Variants in MICALL1 observed in about 807,000 individuals in gnomAD.
The protein encoded by MICALL1 is MICAL-like protein 1.
A neutral mutation model predicts 83.7 loss-of-function variants in MICALL1; 61 were observed. That is an observed-to-expected ratio of 0.73 (90% CI 0.59 to 0.90). The LOEUF (loss-of-function observed/expected upper bound fraction) is 0.90, where lower values mean the gene tolerates loss of function less well. MICALL1 is among the 40% of genes least tolerant of loss of function. The pLI, the probability that MICALL1 is intolerant of heterozygous loss-of-function variation, is 0.00. For synonymous variants in MICALL1, 481 were observed against 473.6 expected (o/e 1.02, Z -0.20); for missense variants, 1,066 against 1,152.0 (o/e 0.93, Z 1.08).
Position 37,924,773 on chromosome 22 carries a change from G to T in MICALL1, c.1082+56G>T, listed in dbSNP as rs2145918753. ...TTGGAGGTCCTGGTGGTGGGAATCA[G>T]GGTACTCTGGGGCCGGGTAGGGAGA... On this transcript the variant is annotated intron_variant, in intron 7 of 15. Coordinates refer to ENST00000215957, the MANE Select transcript of MICALL1 (RefSeq NM_033386.4). This position sits in a 1 kb window ranked among gnomAD's most constrained non-coding sequence, Gnocchi z 5.2. 6.4e-7 allele frequency: 1 copy of T among 1,570,510 alleles called. No individual in the cohort carries two copies. Among genetic ancestry groups the T allele is most frequent in the Non-Finnish European group, 8.7e-7 (1 of 1,145,874 alleles).
At chr22:37,908,070 G>T (rs1928079676) in intron 1 of MICALL1, among the ~76,000 whole-genome samples, 1 of 152,118 alleles carries the variant, frequency 6.6e-6, no homozygotes, top group East Asian at 1.9e-4. Context: ...GTGGGCCTGA[G>T]CCTGGTGGCA....
chr22:37,938,228 C>T (rs1930241027), intron 15 of MICALL1, among the ~76,000 whole-genome samples: 1 of 151,816 alleles, frequency 6.6e-6, no homozygotes, highest in African/African-American at 2.4e-5. Context: ...CGGTGAAACC[C>T]CGTCTCTACT....
At chr22:37,915,259 A>G (rs1928605299) in intron 3 of MICALL1, among the ~76,000 whole-genome samples, 1 of 152,214 alleles carries the variant, frequency 6.6e-6, no homozygotes, top group Admixed American at 6.5e-5. Flanking sequence ...CCCTAAACAG[A>G]AAAAATAAAC....
Position 37,940,847 on chromosome 22 carries a change from T to C in MICALL1, c.*17T>C, listed in dbSNP as rs184159263. ...AAGAGCTAACAGCACGAGAAGCCAG[T>C]TGGGGACTGCCCCCTCCTGGAGCAG... On this transcript the variant is annotated 3_prime_UTR_variant, in exon 16 of 16. Transcript: ENST00000215957. 150 of 1,613,024 alleles carry C rather than the reference T, an allele frequency of 9.3e-5. No homozygotes were observed. The highest frequency in any genetic ancestry group is 1.2e-4 in the Non-Finnish European group (139 of 1,179,322).
At position 37,919,184 on chromosome 22, in the gene MICALL1, T is replaced by A. The variant is rs750880186; in HGVS notation, c.569+6T>A. ...TACCATCGCCACTGCTTCCGGTGAG[T>A]GGCCAGGGCCGCGTGTTACCCCCGA... On this transcript the variant is annotated splice_donor_region_variant and intron_variant, in intron 5 of 15. Coordinates refer to ENST00000215957, the MANE Select transcript of MICALL1 (RefSeq NM_033386.4). 50 of 1,522,890 alleles carry A rather than the reference T, an allele frequency of 3.3e-5. No individual in the cohort carries two copies. In the South Asian group the frequency reaches 5.2e-4, roughly 16 times the overall value. 94.3% of individuals were successfully genotyped at this position (1,522,890 alleles called of 1,614,324 possible).
chr22:37,911,342 C>T (rs1438277383), intron 1 of MICALL1, among the ~76,000 whole-genome samples: 1 of 152,194 alleles, frequency 6.6e-6, no homozygotes, highest in African/African-American at 2.4e-5. Flanking sequence ...CATCTGCAGG[C>T]TGGACCGGGT....
At chr22:37,923,092 G>A (rs1225376373) in intron 6 of MICALL1, among the ~76,000 whole-genome samples, 13 of 149,760 alleles carry the variant, frequency 8.7e-5, no homozygotes, top group Non-Finnish European at 3.0e-5. Flanking sequence ...ACCACAGCCT[G>A]GCTAATTTTT....
chr22:37,925,816 C>A lies in MICALL1; in HGVS notation c.1238C>A (p.Pro413Gln), dbSNP rs201216667. Residue 413 changes from proline to glutamine, a missense_variant, in exon 8 of 16, where the codon CCG (proline) becomes CAG (glutamine). Transcript: ENST00000215957. Reference sequence around the variant, plus strand: ...GGAGGCACCGAGGAGGTGGCCCAGCCGAGCCCAACGGCCAGCCTGGAGTCC... The same window carrying A: ...GGAGGCACCGAGGAGGTGGCCCAGCAGAGCCCAACGGCCAGCCTGGAGTCC... ...ENGGTEEVAQ[P>Q]SPTASLESKP... The A allele has an allele frequency of 1.9e-5, 31 of 1,613,680 alleles. No individual in the cohort carries two copies. The South Asian group carries it at 3.2e-4, about 17-fold the overall frequency.
At chr22:37,909,953 G>A (rs1928212467) in intron 1 of MICALL1, among the ~76,000 whole-genome samples, 1 of 152,248 alleles carries the variant, frequency 6.6e-6, no homozygotes, top group African/African-American at 2.4e-5. Flanking sequence ...CCCAGTGTTG[G>A]CCCAGGGCTC....
intron 2 of MICALL1, 26 bp from the exon 3 acceptor site, chr22:37,912,325 C>G (rs747755236): frequency 6.9e-6 from 11 of 1,586,828 alleles, no homozygotes; most frequent in Non-Finnish European, 9.5e-6. Flanking sequence ...CGGCTGCTCC[C>G]GCCCTTGTAC....
rs1468545700 is a variant in MICALL1, at chr22:37,922,074, G to T, written c.672G>T (p.Gly224=). The change falls in exon 6 of 16, where the codon GGG becomes GGT. Residue 224 remains glycine (G), a synonymous_variant. Coordinates refer to ENST00000215957, the MANE Select transcript of MICALL1 (RefSeq NM_033386.4). ...AACACTGTGCCAGGCTGGGCCCGGG[G>T]ACACGGTCGGGGACCAGGCCTGGGC... ...CAEHCARLGP[G]TRSGTRPGPF... The T allele has an allele frequency of 1.2e-6, 2 of 1,613,458 alleles. No homozygotes were observed. Among genetic ancestry groups the T allele is most frequent in the East Asian group, 2.2e-5 (1 of 44,874 alleles).
intron 1 of MICALL1, among the ~76,000 whole-genome samples, chr22:37,909,599 C>A (rs1272876883): frequency 6.6e-6 from 1 of 152,110 alleles, no homozygotes. Context: ...ACCTCGTGAT[C>A]CACCTGCCTT....
intron 13 of MICALL1, 62 bp downstream of exon 13, chr22:37,933,174 G>A (rs977328444): frequency 2.6e-6 from 4 of 1,555,252 alleles, no homozygotes; most frequent in African/African-American, 2.7e-5. Flanking sequence ...ACGGAGGAGT[G>A]GGGGAGCGGG....
chr22:37,913,296 T>G (rs1314228812), intron 3 of MICALL1, among the ~76,000 whole-genome samples: 1 of 152,202 alleles, frequency 6.6e-6, no homozygotes, highest in Admixed American at 6.5e-5. Flanking sequence ...GAGCCTGTGC[T>G]GGGCTCTGGG....
chr22:37,937,725 A>T lies in MICALL1; in HGVS notation c.2424-21A>T, dbSNP rs767043772. On this transcript the variant is annotated intron_variant, in intron 14 of 15. Transcript: ENST00000215957. ...AGGTGTGAGCCACCACGCCCAGCTT[A>T]ACTGCTGCTGCTTATTTCAGGGAGG... is the stretch of plus-strand genomic sequence containing the variant. 5.0e-6 allele frequency: 8 copies of T among 1,612,292 alleles called. No homozygotes were observed. In the Admixed American group the frequency reaches 5.0e-5, roughly 10 times the overall value.
In MICALL1 at chr22:37,911,947, T is replaced by G. The variant is rs779883217; in HGVS notation, c.147-5T>G. The G allele has an allele frequency of 1.2e-6, 2 of 1,613,980 alleles. No individual in the cohort carries two copies. Among genetic ancestry groups the G allele is most frequent in the East Asian group, 2.2e-5 (1 of 44,896 alleles). ...GACCAACCCTCCTCCCTTTGCCTCT[T>G]GCAGAGATTTTGATTCGCTTTCCAA... is the stretch of plus-strand genomic sequence containing the variant. On this transcript the variant is annotated splice_polypyrimidine_tract_variant and splice_region_variant and intron_variant, in intron 1 of 15. Transcript: ENST00000215957.
chr22:37,907,337 C>G (rs1313631725), intron 1 of MICALL1: 1 of 152,330 alleles, frequency 6.6e-6, no homozygotes, highest in Non-Finnish European at 1.5e-5. Flanking sequence ...CCCCTTCCTG[C>G]CCAGAGCTGC....
intron 8 of MICALL1, 66 bp from the exon 9 acceptor site, chr22:37,927,345 G>A (rs41280821): frequency 0.062 from 90,972 of 1,455,574 alleles, 3,275 homozygotes; most frequent in Non-Finnish European, 0.072. Flanking sequence ...GAGTGGAGCC[G>A]GGAGGTGGGG....
At chr22:37,940,404 CAA>C (rs1268836628) in intron 15 of MICALL1, among the ~76,000 whole-genome samples, 2 of 151,470 alleles carry the variant, frequency 1.3e-5, no homozygotes, top group African/African-American at 4.9e-5. Flanking sequence ...GCCTGGGCGA[CAA>C]AGCGACTCAG....
Sources: allele counts gnomAD v4.1 joint callset (sites outside exome capture counted in the v4.1 genomes callset), GRCh38; gene constraint gnomAD v4.1.1; non-coding constraint Gnocchi (gnomAD v3.1); transcripts MANE v1.5; gene names NCBI Gene and HGNC (gene_info 2026-07-23, HGNC 2026-07-21).